RYR3: variants seen among roughly 807,000 people sequenced by gnomAD.
RYR3 encodes the protein ryanodine receptor 3.
A neutral mutation model predicts 584.3 loss-of-function variants in RYR3; 207 were observed. The ratio of observed to expected loss-of-function variants is 0.35; its 90% CI spans 0.32 to 0.40. The LOEUF (loss-of-function observed/expected upper bound fraction) is 0.40, where lower values mean the gene tolerates loss of function less well. RYR3 is among the 10% of genes least tolerant of loss of function. The pLI is 1.00. For synonymous variants in RYR3, 2,416 were observed against 2,248.5 expected, an observed-to-expected ratio of 1.07 and a Z score of -2.11; for missense variants, 5,616 against 6,089.2, an observed-to-expected ratio of 0.92 and a Z score of 2.59.
At chr15:33,636,063 C>T (rs934443690) in intron 26 of RYR3, among the ~76,000 whole-genome samples, 42 of 152,132 alleles carry the variant, frequency 2.8e-4, no homozygotes, top group Admixed American at 2.2e-3. Context: ...GCACCCAAGC[C>T]CATTGACTCC....
intron 90 of RYR3, among the ~76,000 whole-genome samples, chr15:33,841,163 G>A: frequency 6.6e-6 from 1 of 152,084 alleles, no homozygotes; most frequent in East Asian, 1.9e-4. Context: ...GCTGCAGTGA[G>A]CCAAGATCAC....
At chr15:33,809,739 G>A (rs1025808413) in intron 70 of RYR3, among the ~76,000 whole-genome samples, 8 of 151,662 alleles carry the variant, frequency 5.3e-5, no homozygotes, top group Admixed American at 1.3e-4. Context: ...GGGTTCAAGC[G>A]ATTGTCCTGC....
chr15:33,464,463 G>GATATATATATATATATATATAT (rs569756898), intron 1 of RYR3, among the ~76,000 whole-genome samples: 2 of 79,276 alleles, frequency 2.5e-5, no homozygotes, highest in Non-Finnish European at 2.4e-5. Context: ...GGGAGGTGGA[G>GATATATATATATATATATATAT]ATATATATAT....
At chr15:33,534,265 G>A (rs1247756123) in intron 5 of RYR3, among the ~76,000 whole-genome samples, 1 of 152,216 alleles carries the variant, frequency 6.6e-6, no homozygotes, top group African/African-American at 2.4e-5. Context: ...GCTGGGTGTG[G>A]TGGCAGGCGC....
rs115411673 is a variant in RYR3 at position 33,478,232 on chromosome 15, T to C, written c.171+4694T>C. 5.0e-3 allele frequency among the ~76,000 whole-genome samples: 759 copies of C among 152,230 alleles called. 2 individuals carry two copies. Among genetic ancestry groups the C allele is most frequent in the Middle Eastern group, 0.017 (5 of 294 alleles). On this transcript the variant is annotated intron_variant, in intron 2 of 103. Transcript: ENST00000634891. ...GGCTTGCCAGCTGGGATGTGTCAAG[T>C]ACTGCATTTCGGCAGAAACCCCTAT...
At chr15:33,532,028 C>T (rs1398992132) in intron 4 of RYR3, among the ~76,000 whole-genome samples, 1 of 152,156 alleles carries the variant, frequency 6.6e-6, no homozygotes, top group Non-Finnish European at 1.5e-5. Context: ...GTTCTACTCA[C>T]AGTGAACATA....
chr15:33,659,878 A>G (rs1016805394), intron 33 of RYR3, 72 bp downstream of exon 33: 1 of 1,051,706 alleles, frequency 9.5e-7, no homozygotes, highest in African/African-American at 1.6e-5. Context: ...GGAAAATCCC[A>G]GGCCTCAGAA....
In RYR3 at chr15:33,845,036, T is replaced by C; in HGVS notation, c.13471T>C (p.Cys4491Arg). The change falls in exon 93 of 104, where the codon TGT becomes CGT. Residue 4491 changes from cysteine to arginine, a missense_variant. Physicochemically the swap from Cys to Arg is radical, Grantham distance 180. Around this residue, in one of 9 missense-constraint regions of RYR3, gnomAD observed 918 missense variants for 887.4 expected, o/e 1.03. Coordinates refer to ENST00000634891, the MANE Select transcript of RYR3 (RefSeq NM_001036.6). ...AIIHTIISLV[C>R]VVGYYCLKVP... ...CATCCATACCATCATCTCTCTAGTCTGTGTGGTGGGCTACTACTGCCTGAA... is the reference window on the plus strand; with the variant it reads ...CATCCATACCATCATCTCTCTAGTCCGTGTGGTGGGCTACTACTGCCTGAA... 6.2e-7 allele frequency: 1 copy of C among 1,614,036 alleles called. No individual in the cohort carries two copies. The highest frequency in any genetic ancestry group is 8.5e-7 in the Non-Finnish European group (1 of 1,179,886).
chr15:33,434,759 A>G (rs2045509202), intron 1 of RYR3, among the ~76,000 whole-genome samples: 1 of 151,918 alleles, frequency 6.6e-6, no homozygotes, highest in African/African-American at 2.4e-5. Flanking sequence ...TCTTCTCTTT[A>G]GTGTTTGCTG....
rs1047345456 is a variant in RYR3 at position 33,696,656 on chromosome 15, C to G, written c.6134+165C>G. Among the ~76,000 whole-genome samples the G allele has an allele frequency of 2.0e-5, 3 of 152,098 alleles. No homozygotes were observed. The East Asian group carries it at 5.8e-4, about 29-fold the overall frequency. On this transcript the variant is annotated intron_variant, in intron 39 of 103. Transcript: ENST00000634891. ...TCATATCCTTTGCAACCTGAGAGAC[C>G]CAACTACTCACAGTGAAAGGCATTG...
At chr15:33,356,927 G>A (rs1974062263) in intron 1 of RYR3, among the ~76,000 whole-genome samples, 1 of 152,184 alleles carries the variant, frequency 6.6e-6, no homozygotes, top group Non-Finnish European at 1.5e-5. Context: ...TTATTACTAG[G>A]TAATGTATCC....
At chr15:33,594,389 C>A (rs1595752011) in intron 16 of RYR3, among the ~76,000 whole-genome samples, 1 of 152,126 alleles carries the variant, frequency 6.6e-6, no homozygotes. Flanking sequence ...TAGAGAGAAA[C>A]AAATATGCTC....
At chr15:33,839,046 C>G in intron 89 of RYR3, 88 bp downstream of exon 89, 3 of 1,472,282 alleles carry the variant, frequency 2.0e-6, no homozygotes, top group Non-Finnish European at 2.7e-6. Context: ...CACCATTTCC[C>G]TAGGAGCCAA....
Position 33,798,416 on chromosome 15 carries a change from A to G in RYR3, c.9831-2354A>G, listed in dbSNP as rs2075745366. On this transcript the variant is annotated intron_variant, in intron 67 of 103. Transcript: ENST00000634891. ...TCATTCCTTTGTCTTTATATTCTCA[A>G]CATTGCCTTCCATCTTTGAAGTTAC... Among the ~76,000 whole-genome samples the G allele has an allele frequency of 2.0e-5, 3 of 152,204 alleles. No individual in the cohort carries two copies. The South Asian group carries it at 6.2e-4, about 32-fold the overall frequency.
At chr15:33,647,836 G>C (rs1238082444) in intron 30 of RYR3, among the ~76,000 whole-genome samples, 1 of 152,130 alleles carries the variant, frequency 6.6e-6, no homozygotes, top group Non-Finnish European at 1.5e-5. Context: ...CCATGTCTCT[G>C]TGCAGTGCTA....
chr15:33,332,454 C>G (rs1012440252), intron 1 of RYR3, among the ~76,000 whole-genome samples: 1 of 151,856 alleles, frequency 6.6e-6, no homozygotes, highest in African/African-American at 2.4e-5. Context: ...TTGAAAGATA[C>G]AATTAATAAG....
At chr15:33,640,359 G>A (rs902930388) in intron 27 of RYR3, among the ~76,000 whole-genome samples, 2 of 152,112 alleles carry the variant, frequency 1.3e-5, no homozygotes, top group African/African-American at 2.4e-5. Context: ...GTCATCTCCT[G>A]TAACTCTGTC....
intron 1 of RYR3, among the ~76,000 whole-genome samples, chr15:33,418,031 GATC>G (rs1393845254): frequency 6.6e-6 from 1 of 152,140 alleles, no homozygotes; most frequent in Non-Finnish European, 1.5e-5. Flanking sequence ...ATGCTCACTT[GATC>G]ATGGTGAATT....
Position 33,799,741 on chromosome 15 carries a change from G to A in RYR3, c.9831-1029G>A, listed in dbSNP as rs556435004. On this transcript the variant is annotated intron_variant, in intron 67 of 103. Coordinates refer to ENST00000634891, the MANE Select transcript of RYR3 (RefSeq NM_001036.6). ...AGGTCACAACCTGGGACTTGAGACC[G>A]GCATCTGAAGTGAGGGGCAGGCTTG... Among the ~76,000 whole-genome samples the A allele has an allele frequency of 5.3e-5, 8 of 152,312 alleles. No homozygotes were observed. In the South Asian group the frequency reaches 6.2e-4, roughly 12 times the overall value.
Sources: allele counts gnomAD v4.1 joint callset (sites outside exome capture counted in the v4.1 genomes callset), GRCh38; gene constraint gnomAD v4.1.1; regional missense constraint gnomAD v4.1.1; transcripts MANE v1.5; gene names NCBI Gene and HGNC (gene_info 2026-07-23, HGNC 2026-07-21).